Variants in SCMH1 observed in about 807,000 individuals in gnomAD.
SCMH1 encodes the protein polycomb protein SCMH1.
In SCMH1, 37 loss-of-function variants were observed where a neutral mutation model predicts 70.8. The ratio of observed to expected loss-of-function variants is 0.52; its 90% confidence interval spans 0.40 to 0.69. The LOEUF is 0.69. Among genes scored for constraint, SCMH1 ranks in the 30% least tolerant of loss-of-function variants. The pLI is 0.00. For missense variants in SCMH1, 607 were observed against 827.3 expected (o/e 0.73, Z 3.27); for synonymous variants, 292 against 307.4 (o/e 0.95, Z 0.52).
intron 1 of SCMH1, among the ~76,000 whole-genome samples, chr1:41,209,688 AAT>A (rs2148787350): frequency 6.6e-6 from 1 of 152,392 alleles, no homozygotes; most frequent in South Asian, 2.1e-4. Context: ...AAAAACTCTC[AAT>A]AAACTAGGTA....
At chr1:41,092,864 C>G (rs984853066) in intron 8 of SCMH1, among the ~76,000 whole-genome samples, 3 of 152,080 alleles carry the variant, frequency 2.0e-5, no homozygotes, top group Non-Finnish European at 4.4e-5. Flanking sequence ...ATTAAAAAGT[C>G]AGGAAACAAC....
At chr1:41,219,232 C>T (rs1658729906) in intron 1 of SCMH1, among the ~76,000 whole-genome samples, 1 of 152,214 alleles carries the variant, frequency 6.6e-6, no homozygotes, top group Non-Finnish European at 1.5e-5. Context: ...GAGATTCTCC[C>T]AGGCCTCATC....
chr1:41,240,953 AGAT>A (rs1337094422), intron 1 of SCMH1, among the ~76,000 whole-genome samples: 14 of 152,332 alleles, frequency 9.2e-5, no homozygotes, highest in Non-Finnish European at 1.5e-5. Context: ...GAACCACAGC[AGAT>A]GAGAGACAAC....
At chr1:41,058,378 G>GTTTTTTTTATTTTTTTTTTTTTTTT (rs1651278511) in intron 10 of SCMH1, among the ~76,000 whole-genome samples, 1 of 81,640 alleles carries the variant, frequency 1.2e-5, no homozygotes, top group African/African-American at 5.1e-5. Context: ...TTTCTTTCTT[G>GTTTTTTTTATTTTTTTTTTTTTTTT]TTTTTTTTTT....
chr1:41,205,395 G>A (rs1377558054), intron 1 of SCMH1, among the ~76,000 whole-genome samples: 1 of 152,228 alleles, frequency 6.6e-6, no homozygotes, highest in Non-Finnish European at 1.5e-5. Context: ...ATTCTCTCCT[G>A]TGCCTGGCTC....
At chr1:41,139,042 T>A (rs1438018560) in intron 6 of SCMH1, among the ~76,000 whole-genome samples, 1 of 152,206 alleles carries the variant, frequency 6.6e-6, no homozygotes, top group Non-Finnish European at 1.5e-5. Context: ...GTATGCCTTT[T>A]ATTCTGTATA....
intron 1 of SCMH1, among the ~76,000 whole-genome samples, chr1:41,222,022 T>TA (rs895959762): frequency 2.0e-5 from 3 of 147,614 alleles, no homozygotes; most frequent in Admixed American, 1.4e-4. Context: ...TATGAACAGA[T>TA]AAATAATCTT....
intron 7 of SCMH1, among the ~76,000 whole-genome samples, chr1:41,114,970 G>A (rs11587407): frequency 0.078 from 11,887 of 152,112 alleles, 601 homozygotes; most frequent in South Asian, 0.13. Flanking sequence ...ATGAGCCACC[G>A]TGCCTGGCCA....
chr1:41,177,670 G>C (rs1647359151), intron 2 of SCMH1, among the ~76,000 whole-genome samples: 1 of 152,170 alleles, frequency 6.6e-6, no homozygotes, highest in African/African-American at 2.4e-5. Context: ...GAAATGAAGT[G>C]AGAAGAGAAG....
intron 1 of SCMH1, among the ~76,000 whole-genome samples, chr1:41,207,986 T>C (rs1286152575): frequency 1.5e-4 from 20 of 129,660 alleles, no homozygotes; most frequent in African/African-American, 3.6e-4. Flanking sequence ...CGTATGTTTA[T>C]TGCGGCACTA....
chr1:41,235,569 T>TAAAAA (rs61093555), intron 1 of SCMH1, among the ~76,000 whole-genome samples: 3 of 43,082 alleles, frequency 7.0e-5, no homozygotes, highest in Non-Finnish European at 1.2e-4. Flanking sequence ...AGACTCCGTC[T>TAAAAA]AAAAAAAAAA....
At chr1:41,136,278 C>A (rs1049630713) in intron 6 of SCMH1, among the ~76,000 whole-genome samples, 1 of 151,992 alleles carries the variant, frequency 6.6e-6, no homozygotes, top group African/African-American at 2.4e-5. Context: ...TATTGTAATG[C>A]TATTGAAGTT....
chr1:41,059,682 A>G (rs1259918687), intron 10 of SCMH1, among the ~76,000 whole-genome samples: 2 of 152,258 alleles, frequency 1.3e-5, no homozygotes, highest in Non-Finnish European at 2.9e-5. Flanking sequence ...TAGATGGCAG[A>G]GCTAAAAGAG....
At chr1:41,219,867 G>A (rs1573174998) in intron 1 of SCMH1, among the ~76,000 whole-genome samples, 2 of 151,714 alleles carry the variant, frequency 1.3e-5, no homozygotes, top group African/African-American at 2.4e-5. Flanking sequence ...GGAGGCAGAG[G>A]TTGCAGTGAG....
intron 1 of SCMH1, among the ~76,000 whole-genome samples, chr1:41,239,011 T>A (rs547754906): frequency 3.4e-4 from 52 of 152,332 alleles, no homozygotes; most frequent in African/African-American, 1.2e-3. Context: ...TAAAGCCTTA[T>A]ACATTTTCTC....
Position 41,113,216 on chromosome 1 carries a change from G to A in SCMH1, c.745+67C>T. 1.9e-6 allele frequency: 3 copies of A among 1,557,192 alleles called. No homozygotes were observed. Among genetic ancestry groups the A allele is most frequent in the Non-Finnish European group, 1.7e-6 (2 of 1,152,286 alleles). On this transcript the variant is annotated intron_variant, in intron 8 of 14. Transcript: ENST00000337495. This position sits in a 1 kb window ranked among gnomAD's most constrained non-coding sequence, Gnocchi z 4.3. ...AGTATACTGGTGAAGATATGATCAT[G>A]ACAGCCCTGGGTAGTCTCCCTTATC...
chr1:41,058,395 T>TTTTTTTTTG, intron 10 of SCMH1, among the ~76,000 whole-genome samples: 1 of 132,998 alleles, frequency 7.5e-6, no homozygotes, highest in Non-Finnish European at 1.6e-5. Context: ...TTTTTTTTTT[T>TTTTTTTTTG]TTTTTGAGAC....
intron 8 of SCMH1, among the ~76,000 whole-genome samples, chr1:41,112,851 C>CTTGTTCT (rs2147853553): frequency 6.6e-6 from 1 of 152,294 alleles, no homozygotes; most frequent in African/African-American, 2.4e-5. Context: ...TACTTCAAAG[C>CTTGTTCT]TTGTTCTTTT....
At chr1:41,028,112 C>G (rs41301074) in exon 15 of SCMH1, 34,382 of 1,565,604 alleles carry the variant, frequency 0.022, 2,087 homozygotes, top group Admixed American at 0.21. Context: ...CACTGAGGTG[C>G]CTGGGGTGGG....
Sources: gnomAD v4.1 joint callset for allele counts (sites outside exome capture counted in the v4.1 genomes callset) on GRCh38, gnomAD v4.1.1 for gene constraint, Gnocchi (gnomAD v3.1) non-coding constraint, MANE v1.5 for transcripts, NCBI Gene and HGNC (gene_info 2026-07-23, HGNC 2026-07-21) for gene names.